Variants in USH2A observed in about 807,000 individuals in gnomAD.
USH2A encodes Usher syndrome 2A (autosomal recessive, mild).
USH2A carries 443 observed loss-of-function variants against 538.9 expected under a neutral mutation model. That is an observed-to-expected ratio of 0.82 (90% CI 0.76 to 0.89). USH2A has a LOEUF of 0.89. Ranked by LOEUF, USH2A falls within the 40% of genes least tolerant of loss-of-function variation. USH2A has a pLI of 0.00. For synonymous variants in USH2A, 2,413 were observed against 2,273.5 expected (o/e 1.06, Z -1.75); for missense variants, 6,633 against 6,324.8 (o/e 1.05, Z -1.65).
chr1:215,885,196 A>T (rs1483168979), intron 41 of USH2A, among the ~76,000 whole-genome samples: 1 of 151,720 alleles, frequency 6.6e-6, no homozygotes, highest in African/African-American at 2.4e-5. Context: ...TAACTTCTTA[A>T]TTGTATGCCT....
chr1:215,677,519 G>C (rs1018077886), intron 62 of USH2A, among the ~76,000 whole-genome samples: 1 of 152,038 alleles, frequency 6.6e-6, no homozygotes, highest in Non-Finnish European at 1.5e-5. Context: ...TGCCAACCAG[G>C]TTTCCCATTC....
chr1:216,329,835 A>G (rs779778445), intron 4 of USH2A, among the ~76,000 whole-genome samples: 23 of 152,088 alleles, frequency 1.5e-4, no homozygotes, highest in Admixed American at 1.3e-3. Context: ...TTTGCATGGC[A>G]GCCGTGGAAA....
chr1:216,082,035 C>T (rs1464063598), intron 26 of USH2A, among the ~76,000 whole-genome samples: 1 of 152,000 alleles, frequency 6.6e-6, no homozygotes, highest in Admixed American at 6.6e-5. Context: ...CCAGCTCAGG[C>T]ATATGGTCCT....
At chr1:216,203,067 T>G (rs922454459) in intron 16 of USH2A, among the ~76,000 whole-genome samples, 10 of 152,192 alleles carry the variant, frequency 6.6e-5, no homozygotes, top group African/African-American at 2.4e-4. Context: ...AAAATTTTAT[T>G]AAACACATGA....
At chr1:216,146,603 C>T in intron 21 of USH2A, among the ~76,000 whole-genome samples, 1 of 152,276 alleles carries the variant, frequency 6.6e-6, no homozygotes, top group South Asian at 2.1e-4. Flanking sequence ...AAGAAACCCC[C>T]AATCGCTTAT....
At chr1:215,915,556 C>T (rs1323646215) in intron 38 of USH2A, among the ~76,000 whole-genome samples, 1 of 151,980 alleles carries the variant, frequency 6.6e-6, no homozygotes, top group African/African-American at 2.4e-5. Flanking sequence ...TGTCAAGACA[C>T]CCTTGGCTCT....
At chr1:215,687,774 T>A (rs537695071) in intron 61 of USH2A, among the ~76,000 whole-genome samples, 1 of 152,112 alleles carries the variant, frequency 6.6e-6, no homozygotes, top group Non-Finnish European at 1.5e-5. Flanking sequence ...CTAAAACTCA[T>A]ATAAAAATTT....
At chr1:216,217,162 T>G (rs1432674582) in intron 15 of USH2A, among the ~76,000 whole-genome samples, 1 of 152,112 alleles carries the variant, frequency 6.6e-6, no homozygotes, top group East Asian at 1.9e-4. Flanking sequence ...CAAAAAACTA[T>G]TGTAAATTTC....
At chr1:215,772,627 A>G (rs750068441) in intron 55 of USH2A, among the ~76,000 whole-genome samples, 1 of 152,224 alleles carries the variant, frequency 6.6e-6, no homozygotes, top group Non-Finnish European at 1.5e-5. Context: ...ACCCATGTCT[A>G]TGAAAGTTAA....
chr1:215,770,100 A>G (rs1159984281), intron 55 of USH2A, among the ~76,000 whole-genome samples: 2 of 152,172 alleles, frequency 1.3e-5, no homozygotes, highest in Non-Finnish European at 2.9e-5. Flanking sequence ...TGCTTTTTAT[A>G]ACAAAACTCA....
intron 37 of USH2A, among the ~76,000 whole-genome samples, chr1:215,955,236 A>G (rs1031869038): frequency 1.3e-5 from 2 of 152,188 alleles, no homozygotes; most frequent in African/African-American, 2.4e-5. Flanking sequence ...TAAATGTTTC[A>G]GATGTTGAAA....
rs375811539 is a variant in USH2A, at chr1:215,878,950, A to G, written c.8372T>C (p.Val2791Ala). 2.2e-5 allele frequency: 35 copies of G among 1,613,968 alleles called. No individual in the cohort carries two copies. Among genetic ancestry groups the G allele is most frequent in the South Asian group, 7.7e-5 (7 of 91,084 alleles). Residue 2791 changes from valine to alanine, a missense_variant, in exon 42 of 72, where the codon GTC (valine) becomes GCC (alanine). Coordinates refer to ENST00000307340, the MANE Select transcript of USH2A (RefSeq NM_206933.4). ...ACCCCCTGAGCAAGCAACAATGGTG[A>G]CAGAATAATTAGTGAAAGGAATCAG... ...THLIPFTNYS[V>A]TIVACSGGNG...
intron 37 of USH2A, among the ~76,000 whole-genome samples, chr1:215,955,073 A>T (rs1224035092): frequency 6.6e-6 from 1 of 152,162 alleles, no homozygotes; most frequent in East Asian, 1.9e-4. Context: ...CTTATTATGA[A>T]AATCTTAGTT....
intron 15 of USH2A, among the ~76,000 whole-genome samples, chr1:216,212,535 C>G (rs887235208): frequency 7.2e-5 from 11 of 152,208 alleles, no homozygotes; most frequent in Middle Eastern, 3.4e-3. Flanking sequence ...TTGGGAACCA[C>G]CAGCTTGAAT....
At chr1:215,896,152 C>T (rs931815810) in intron 40 of USH2A, among the ~76,000 whole-genome samples, 6 of 152,028 alleles carry the variant, frequency 3.9e-5, no homozygotes, top group Non-Finnish European at 8.8e-5. Context: ...ATAAACTGTT[C>T]GAATTCTACA....
At chr1:215,750,789 T>C (rs938658354) in intron 58 of USH2A, among the ~76,000 whole-genome samples, 3 of 152,098 alleles carry the variant, frequency 2.0e-5, no homozygotes, top group Admixed American at 1.3e-4. Context: ...AGAAAATAGC[T>C]TGGAGTGTCT....
rs760354270 is a variant in USH2A at position 215,674,412 on chromosome 1, G to T, written c.13499C>A (p.Thr4500Asn). The T allele has an allele frequency of 2.4e-5, 38 of 1,614,000 alleles. No individual in the cohort carries two copies. Among genetic ancestry groups the T allele is most frequent in the Non-Finnish European group, 3.1e-5 (37 of 1,180,028 alleles). Residue 4500 changes from threonine to asparagine, a missense_variant, in exon 63 of 72, where the codon ACC becomes AAC. Physicochemically the swap from Thr to Asn is moderately conservative, Grantham distance 65. Coordinates refer to ENST00000307340, the MANE Select transcript of USH2A (RefSeq NM_206933.4). ...LETRYRDFTL[T>N]PGVEYSYTVT... is the part of the protein sequence containing the mutation. ...TGTGTAGCTATACTCCACACCTGGG[G>T]TGAGAGTAAAATCACGATAGCGTGT... is the stretch of plus-strand genomic sequence containing the variant.
intron 32 of USH2A, among the ~76,000 whole-genome samples, chr1:216,022,931 A>C (rs1266328471): frequency 6.6e-6 from 1 of 152,122 alleles, no homozygotes; most frequent in Non-Finnish European, 1.5e-5. Flanking sequence ...CAGAGAAGGG[A>C]CATGGAGATG....
chr1:215,832,387 G>T (rs1174071987), intron 47 of USH2A, among the ~76,000 whole-genome samples: 1 of 151,772 alleles, frequency 6.6e-6, no homozygotes, highest in Non-Finnish European at 1.5e-5. Context: ...TTTTCTATAA[G>T]ATAATAGTAT....
Sources: allele counts gnomAD v4.1 joint callset (sites outside exome capture counted in the v4.1 genomes callset), GRCh38; gene constraint gnomAD v4.1.1; transcripts MANE v1.5; gene names NCBI Gene and HGNC (gene_info 2026-07-23, HGNC 2026-07-21).